ARNT: variants seen among roughly 807,000 people sequenced by gnomAD.
The protein encoded by ARNT is class E basic helix-loop-helix protein 2.
A neutral mutation model predicts 105.0 loss-of-function variants in ARNT; 30 were observed. The observed-to-expected ratio is 0.29, with a 90% CI of 0.21 to 0.39. The LOEUF (loss-of-function observed/expected upper bound fraction) is 0.39. Ranked by LOEUF, ARNT falls within the 10% of genes least tolerant of loss-of-function variation. The pLI is 1.00. For synonymous variants in ARNT, 304 were observed against 344.0 expected (o/e 0.88, Z 1.29); for missense variants, 748 against 978.7 (o/e 0.76, Z 3.15).
At chr1:150,831,974 T>A in intron 9 of ARNT, 71 bp from the exon 10 acceptor site, 1 of 1,002,188 alleles carries the variant, frequency 1.0e-6, no homozygotes, top group Non-Finnish European at 1.5e-6. Flanking sequence ...CAATGCTGCC[T>A]TAGTACTTTT....
In ARNT at chr1:150,817,889, C is replaced by T. The variant is rs1191062390; in HGVS notation, c.1505+31G>A. The stretch of plus-strand genomic sequence containing the variant: ...CAAATGACCACCCCCTGGGTGACTG[C>T]TCAACAGATGATTATTTCACCCTTT... On this transcript the variant is annotated intron_variant, in intron 15 of 21. Coordinates refer to ENST00000358595, the MANE Select transcript of ARNT (RefSeq NM_001668.4). 5.8e-6 allele frequency: 9 copies of T among 1,551,384 alleles called. No individual in the cohort carries two copies. The African/African-American group carries it at 8.1e-5, about 14-fold the overall frequency.
intron 1 of ARNT, among the ~76,000 whole-genome samples, chr1:150,875,051 C>A (rs1571567786): frequency 6.6e-6 from 1 of 152,144 alleles, no homozygotes; most frequent in African/African-American, 2.4e-5. Context: ...AAGAGAAATG[C>A]TTTGCAATTT....
In ARNT at chr1:150,852,026, G is replaced by C. The variant is rs150893277; in HGVS notation, c.182+736C>G. ...TTGCACCACTGCACTCCTGGCGACAGAGCAAGACTCCGTCTCAAAAAAAAA... is the reference window on the plus strand; with the variant it reads ...TTGCACCACTGCACTCCTGGCGACACAGCAAGACTCCGTCTCAAAAAAAAA... On this transcript the variant is annotated intron_variant, in intron 3 of 21. Transcript: ENST00000358595. Among the ~76,000 whole-genome samples, 57 of 149,158 alleles carry C rather than the reference G, an allele frequency of 3.8e-4. 1 individual carries two copies. The East Asian group carries it at 7.4e-3, about 19-fold the overall frequency.
At position 150,834,984 on chromosome 1, in the gene ARNT, T is replaced by C. The variant is rs1660038384; in HGVS notation, c.701-344A>G. ...ATACATACAGAGTAAATGTCATTGG[T>C]TGAAAAACAAGTACTTTTCTGTAGT... On this transcript the variant is annotated intron_variant, in intron 7 of 21. Transcript: ENST00000358595. The C allele has an allele frequency of 1.4e-5, 3 of 210,900 alleles. 1 individual carries two copies. The South Asian group carries it at 2.5e-4, about 18-fold the overall frequency. The allele number at this position is 210,900 out of a possible 1,614,324, so 13.1% of individuals were successfully genotyped here.
At chr1:150,836,016 T>G (rs907787789) in intron 7 of ARNT, among the ~76,000 whole-genome samples, 1 of 152,122 alleles carries the variant, frequency 6.6e-6, no homozygotes, top group Non-Finnish European at 1.5e-5. Flanking sequence ...AAAAAAGTAT[T>G]GTAGGTTTGG....
Position 150,858,325 on chromosome 1 carries a change from A to G in ARNT, c.137+24T>C, listed in dbSNP as rs369646827. ...AAGTTGGTTTATAGGAGAGATATTC[A>G]TAACACACTACACTCAAACTCACCC... is the stretch of plus-strand genomic sequence containing the variant. On this transcript the variant is annotated intron_variant, in intron 2 of 21. Coordinates refer to ENST00000358595, the MANE Select transcript of ARNT (RefSeq NM_001668.4). The G allele has an allele frequency of 2.8e-5, 43 of 1,557,980 alleles. No homozygotes were observed. In the African/African-American group the frequency reaches 5.0e-4, roughly 18 times the overall value.
intron 2 of ARNT, among the ~76,000 whole-genome samples, chr1:150,854,801 G>C (rs1664276602): frequency 7.0e-6 from 1 of 142,898 alleles, no homozygotes; most frequent in Non-Finnish European, 1.5e-5. Context: ...AGGTTGCAGT[G>C]AGCCAAAATT....
intron 14 of ARNT, among the ~76,000 whole-genome samples, chr1:150,821,840 T>C (rs1275135618): frequency 2.7e-5 from 4 of 147,598 alleles, no homozygotes; most frequent in Non-Finnish European, 6.0e-5. Context: ...TTTTTTTTTT[T>C]TTTTTTTTTT....
At chr1:150,856,487 G>A (rs1446932867) in intron 2 of ARNT, among the ~76,000 whole-genome samples, 7 of 151,988 alleles carry the variant, frequency 4.6e-5, no homozygotes, top group Non-Finnish European at 7.4e-5. Flanking sequence ...ATTAGGCCGG[G>A]CATGGTGGCT....
chr1:150,834,044 C>T (rs1659828535), intron 8 of ARNT, among the ~76,000 whole-genome samples: 1 of 151,728 alleles, frequency 6.6e-6, no homozygotes, highest in East Asian at 1.9e-4. Context: ...AAGCAATTGT[C>T]CTGCCTCAGC....
chr1:150,821,025 T>G (rs1656952228), intron 14 of ARNT, among the ~76,000 whole-genome samples: 1 of 152,244 alleles, frequency 6.6e-6, no homozygotes. Context: ...GTTTTGTATG[T>G]TGTACGTATT....
intron 1 of ARNT, among the ~76,000 whole-genome samples, chr1:150,871,206 G>A (rs1667363353): frequency 6.7e-6 from 1 of 150,008 alleles, no homozygotes; most frequent in African/African-American, 2.5e-5. Flanking sequence ...CTCCTTAAGT[G>A]TAAAATGATA....
intron 12 of ARNT, among the ~76,000 whole-genome samples, chr1:150,827,135 T>C (rs587621197): frequency 6.6e-6 from 1 of 152,328 alleles, no homozygotes; most frequent in Non-Finnish European, 1.5e-5. Context: ...AAAACATTTT[T>C]CTTTCTCAGA....
chr1:150,841,246 G>C lies in ARNT; in HGVS notation c.272+1178C>G, dbSNP rs151296193. ...GTTACAAGCATGAGCCACTGCGCCC[G>C]GCCTGCTTTATCTCTTTTATTTATT... On this transcript the variant is annotated intron_variant, in intron 5 of 21. Coordinates refer to ENST00000358595, the MANE Select transcript of ARNT (RefSeq NM_001668.4). Among the ~76,000 whole-genome samples, 309 of 151,236 alleles carry C rather than the reference G, an allele frequency of 2.0e-3. 3 individuals are homozygous for C. The highest frequency in any genetic ancestry group is 7.2e-3 in the African/African-American group (299 of 41,242).
chr1:150,853,542 G>C (rs1171169759), intron 2 of ARNT, among the ~76,000 whole-genome samples: 1 of 152,218 alleles, frequency 6.6e-6, no homozygotes, highest in African/African-American at 2.4e-5. Context: ...ACATAAAGGA[G>C]TGACTTAATA....
chr1:150,818,316 G>A (rs1259654421), intron 14 of ARNT: 5 of 255,430 alleles, frequency 2.0e-5, no homozygotes, highest in African/African-American at 6.7e-5. Context: ...TTCATATAAG[G>A]TATTTTTTAA....
intron 2 of ARNT, among the ~76,000 whole-genome samples, chr1:150,854,857 CA>C (rs769273005): frequency 0.076 from 2,402 of 31,604 alleles, 35 homozygotes; most frequent in African/African-American, 0.22. Context: ...AACTACATCT[CA>C]AAAAAAAAAA....
At chr1:150,876,093 G>C (rs1340027277) in intron 1 of ARNT, among the ~76,000 whole-genome samples, 3 of 152,212 alleles carry the variant, frequency 2.0e-5, no homozygotes, top group African/African-American at 7.2e-5. Flanking sequence ...TAAATGTTTG[G>C]AAGCAACGCC....
chr1:150,835,244 G>A (rs1660113836), intron 7 of ARNT, among the ~76,000 whole-genome samples: 1 of 151,572 alleles, frequency 6.6e-6, no homozygotes, highest in South Asian at 2.1e-4. Context: ...TTATTATACA[G>A]AAACGAAGAA....
Sources: gnomAD v4.1 joint callset for allele counts (sites outside exome capture counted in the v4.1 genomes callset) on GRCh38, gnomAD v4.1.1 for gene constraint, MANE v1.5 for transcripts, NCBI Gene and HGNC (gene_info 2026-07-23, HGNC 2026-07-21) for gene names.